The following CDK17 variants were observed in gnomAD, a reference collection of about 807,000 sequenced individuals.
The protein encoded by CDK17 is cyclin-dependent kinase 17.
Under a neutral mutation model 77.6 loss-of-function variants are expected in CDK17, and 24 were observed. The observed-to-expected ratio is 0.31, with a 90% CI of 0.22 to 0.44. CDK17 has a LOEUF of 0.44. CDK17 is among the 20% of genes least tolerant of loss of function. CDK17 has a pLI of 1.00. For missense variants in CDK17, 429 were observed against 622.5 expected, an observed-to-expected ratio of 0.69 and a Z score of 3.31; for synonymous variants, 203 against 210.4, an observed-to-expected ratio of 0.96 and a Z score of 0.30.
Position 96,334,815 on chromosome 12 carries a change from G to A in CDK17, c.22C>T (p.Leu8=). The A allele has an allele frequency of 6.2e-7, 1 of 1,602,434 alleles. No individual in the cohort carries two copies. The change falls in exon 2 of 17, where the codon CTA becomes TTA. Residue 8 remains leucine (L), a synonymous_variant. Coordinates refer to ENST00000261211, the MANE Select transcript of CDK17 (RefSeq NM_002595.5). The part of the protein sequence containing the change: MKKFKRR[L]SLTLRGSQTI... ...TGACTTCCTCGGAGTGTGAGGGATAGCCTTCTCTTAAATTTTTTCATCCTA... is the reference window on the plus strand; with the variant it reads ...TGACTTCCTCGGAGTGTGAGGGATAACCTTCTCTTAAATTTTTTCATCCTA...
chr12:96,290,037 T>A (rs1171424752), intron 10 of CDK17, among the ~76,000 whole-genome samples: 1 of 151,740 alleles, frequency 6.6e-6, no homozygotes, highest in Non-Finnish European at 1.5e-5. Context: ...AAAAAAAAAA[T>A]CGCAAAAAAA....
chr12:96,290,022 C>T (rs1355333851), intron 10 of CDK17, among the ~76,000 whole-genome samples: 2 of 151,742 alleles, frequency 1.3e-5, no homozygotes, highest in African/African-American at 4.9e-5. Flanking sequence ...CAGCCATGAC[C>T]TTTAAAAAAA....
chr12:96,351,949 T>C (rs1483653769), intron 1 of CDK17, among the ~76,000 whole-genome samples: 3 of 152,178 alleles, frequency 2.0e-5, no homozygotes, highest in East Asian at 3.8e-4. Flanking sequence ...TATAAAATCA[T>C]AGTTTTTTAA....
chr12:96,359,629 A>G (rs1281659690), intron 1 of CDK17, among the ~76,000 whole-genome samples: 4 of 152,248 alleles, frequency 2.6e-5, no homozygotes, highest in Non-Finnish European at 4.4e-5. Context: ...AAAAGAATAT[A>G]GCTAAACAAT....
At chr12:96,391,086 C>A (rs1400468492) in intron 1 of CDK17, among the ~76,000 whole-genome samples, 7 of 142,742 alleles carry the variant, frequency 4.9e-5, no homozygotes, top group South Asian at 2.3e-4. Flanking sequence ...GACTCCATCT[C>A]AAAAAAAAAA....
intron 5 of CDK17, 129 bp from the exon 6 acceptor site, chr12:96,300,489 C>T (rs570775964): frequency 5.6e-5 from 32 of 567,386 alleles, no homozygotes; most frequent in Non-Finnish European, 7.4e-5. Flanking sequence ...CTCCACCTCG[C>T]GGGTTCAAGT....
At chr12:96,330,594 G>T (rs536452832) in intron 2 of CDK17, among the ~76,000 whole-genome samples, 1 of 152,224 alleles carries the variant, frequency 6.6e-6, no homozygotes, top group East Asian at 1.9e-4. Context: ...ACCTATTCTG[G>T]ATACTTCATA....
At chr12:96,374,826 C>A (rs763637464) in intron 1 of CDK17, among the ~76,000 whole-genome samples, 1 of 152,180 alleles carries the variant, frequency 6.6e-6, no homozygotes, top group Non-Finnish European at 1.5e-5. Context: ...AATGCTACAG[C>A]CACTCCAAAG....
chr12:96,360,070 T>C (rs1953468802), intron 1 of CDK17, among the ~76,000 whole-genome samples: 2 of 152,146 alleles, frequency 1.3e-5, no homozygotes, highest in African/African-American at 4.8e-5. Context: ...TAACATGCAC[T>C]ATGATGGGGG....
rs1421067013 is a variant in CDK17, at chr12:96,400,374, G to A, written c.-418C>T. On this transcript the variant is annotated 5_prime_UTR_variant, in exon 1 of 17. Coordinates refer to ENST00000261211, the MANE Select transcript of CDK17 (RefSeq NM_002595.5). ...CTGCGGCGGCCCGCGGGGAGCTCAGGAGACTGCGGGCGGCCGCGTTCGCTC... is the reference window on the plus strand; with the variant it reads ...CTGCGGCGGCCCGCGGGGAGCTCAGAAGACTGCGGGCGGCCGCGTTCGCTC... The A allele has an allele frequency of 2.1e-5, 8 of 385,482 alleles. No individual in the cohort carries two copies. The highest frequency in any genetic ancestry group is 3.2e-5 in the Non-Finnish European group (7 of 218,060). 23.9% of individuals were successfully genotyped at this position (385,482 alleles called of 1,614,324 possible).
intron 1 of CDK17, among the ~76,000 whole-genome samples, chr12:96,381,198 T>C (rs1953873081): frequency 6.6e-6 from 1 of 152,248 alleles, no homozygotes; most frequent in Non-Finnish European, 1.5e-5. Flanking sequence ...TACAGTCCTA[T>C]GGTCTCCTTG....
At chr12:96,366,642 T>G (rs1953587627) in intron 1 of CDK17, among the ~76,000 whole-genome samples, 1 of 152,208 alleles carries the variant, frequency 6.6e-6, no homozygotes, top group Non-Finnish European at 1.5e-5. Context: ...TCCTTTTTTA[T>G]AAATCAGTCA....
At chr12:96,355,684 G>C (rs1318551040) in intron 1 of CDK17, among the ~76,000 whole-genome samples, 2 of 152,124 alleles carry the variant, frequency 1.3e-5, no homozygotes, top group Non-Finnish European at 2.9e-5. Context: ...GGGATTACAG[G>C]CGTGAGCCAA....
chr12:96,285,145 G>A (rs916426283), intron 13 of CDK17, among the ~76,000 whole-genome samples: 2 of 151,906 alleles, frequency 1.3e-5, no homozygotes, highest in Non-Finnish European at 2.9e-5. Context: ...AATAATTAAA[G>A]GACAAAAATA....
intron 5 of CDK17, among the ~76,000 whole-genome samples, chr12:96,307,868 CACACACACAG>C (rs567127163): frequency 1.2e-3 from 176 of 151,562 alleles, no homozygotes; most frequent in Middle Eastern, 3.4e-3. Context: ...CACTCTGTCT[CACACACACAG>C]ACACACACAC....
intron 1 of CDK17, among the ~76,000 whole-genome samples, chr12:96,366,457 T>A (rs1009608996): frequency 6.6e-6 from 1 of 152,218 alleles, no homozygotes; most frequent in African/African-American, 2.4e-5. Context: ...TACATTACTA[T>A]ATCTAGTGTA....
intron 1 of CDK17, among the ~76,000 whole-genome samples, chr12:96,349,909 A>G (rs532968315): frequency 1.3e-5 from 2 of 152,352 alleles, no homozygotes; most frequent in South Asian, 4.1e-4. Context: ...AGAGCTAATA[A>G]ACTAATTTCC....
At chr12:96,338,359 C>T (rs546578780) in intron 1 of CDK17, among the ~76,000 whole-genome samples, 95 of 152,300 alleles carry the variant, frequency 6.2e-4, no homozygotes, top group African/African-American at 2.3e-3. Context: ...CAAATCATAA[C>T]CATGAGTTTA....
At chr12:96,393,990 G>A (rs979730749) in intron 1 of CDK17, among the ~76,000 whole-genome samples, 1 of 152,154 alleles carries the variant, frequency 6.6e-6, no homozygotes, top group Non-Finnish European at 1.5e-5. Context: ...GCTCACACCT[G>A]TAATCCCAGC....
Sources: allele counts gnomAD v4.1 joint callset (sites outside exome capture counted in the v4.1 genomes callset), GRCh38; gene constraint gnomAD v4.1.1; transcripts MANE v1.5; gene names NCBI Gene and HGNC (gene_info 2026-07-23, HGNC 2026-07-21).